Variants in OR1F1 observed in about 807,000 individuals in gnomAD.
The protein encoded by OR1F1 is olfactory receptor 1F1.
For missense variants in OR1F1, 493 were observed against 376.3 expected (o/e 1.31, Z -2.57); for synonymous variants, 184 against 156.7 (o/e 1.17, Z -1.30).
upstream of OR1F1, among the ~76,000 whole-genome samples, chr16:3,200,587 G>A (rs989079310): frequency 6.6e-6 from 1 of 152,222 alleles, no homozygotes; most frequent in African/African-American, 2.4e-5. Context: ...GACAGAGCAA[G>A]ACGTCATCTC....
the OR1F1 span, among the ~76,000 whole-genome samples, chr16:3,191,977 G>T: frequency 3.9e-5 from 6 of 152,160 alleles, no homozygotes; most frequent in East Asian, 5.8e-4. Context: ...AAAGTAAAGG[G>T]CCTGCTGCTG....
the OR1F1 span, among the ~76,000 whole-genome samples, chr16:3,191,015 A>G: frequency 0.28 from 42,429 of 152,074 alleles, 6,169 homozygotes; most frequent in African/African-American, 0.35. Context: ...GAACAGCTAC[A>G]TGCACGTCAC....
the OR1F1 span, among the ~76,000 whole-genome samples, chr16:3,192,917 T>G: frequency 6.6e-6 from 1 of 151,166 alleles, no homozygotes; most frequent in African/African-American, 2.4e-5. Flanking sequence ...CCCGCGGGAT[T>G]AAAAAAAAAG....
the OR1F1 span, chr16:3,191,468 G>T: frequency 6.6e-6 from 1 of 152,206 alleles, no homozygotes; most frequent in South Asian, 2.1e-4. Context: ...ATGCCACCCC[G>T]CCAATTACTA....
downstream of OR1F1, among the ~76,000 whole-genome samples, chr16:3,206,425 T>C (rs763552387): frequency 2.2e-4 from 34 of 152,186 alleles, no homozygotes; most frequent in Non-Finnish European, 3.8e-4. Flanking sequence ...TTGACACCTG[T>C]GATCTCTGTG....
upstream of OR1F1, chr16:3,204,176 C>T: frequency 8.2e-7 from 1 of 1,217,810 alleles, no homozygotes; most frequent in East Asian, 2.5e-5. Context: ...TGTGCCCCAT[C>T]TTAACCAGCA....
Position 3,204,451 on chromosome 16 carries a change from G to A in OR1F1, c.205G>A (p.Val69Met), listed in dbSNP as rs1438445689. ...CTTCTTCCTCAGCAACCTGTCTTTT[G>A]TGGACATCTGCTTCTCCTTCACCAC... The change falls in exon 1 of 1, where the codon GTG becomes ATG. Residue 69 changes from valine to methionine, a missense_variant. Coordinates refer to ENST00000304646, the Ensembl canonical transcript of OR1F1. 2.5e-6 allele frequency: 4 copies of A among 1,613,980 alleles called. No homozygotes were observed. The South Asian group carries it at 3.3e-5, about 13-fold the overall frequency.
At chr16:3,197,247 G>A in the OR1F1 span, among the ~76,000 whole-genome samples, 1 of 149,312 alleles carries the variant, frequency 6.7e-6, no homozygotes, top group African/African-American at 2.5e-5. Flanking sequence ...TGAAACTCTT[G>A]ACCTCAGGTG....
the OR1F1 span, among the ~76,000 whole-genome samples, chr16:3,192,002 A>G: frequency 3.7e-4 from 57 of 152,192 alleles, no homozygotes; most frequent in African/African-American, 1.3e-3. Context: ...TCGTTGGTCT[A>G]GGGGTATGAT....
chr16:3,188,813 G>T, the OR1F1 span, among the ~76,000 whole-genome samples: 1 of 152,364 alleles, frequency 6.6e-6, no homozygotes. Context: ...CCCCGGAACC[G>T]ATGCCCGACG....
rs781224614 is a variant in OR1F1 at position 3,204,407 on chromosome 16, G to T, written c.161G>T (p.Cys54Phe). Reference sequence around the variant, plus strand: ...ATCCTGTCCGTAAGCATAGACTCCTGCCTGCACACCCCCATGTACTTCTTC... The same window carrying T: ...ATCCTGTCCGTAAGCATAGACTCCTTCCTGCACACCCCCATGTACTTCTTC... The change falls in exon 1 of 1, where the codon TGC becomes TTC. Residue 54 changes from cysteine to phenylalanine, a missense_variant. Cys to Phe is a radical substitution (Grantham distance 205, BLOSUM62 -2). Coordinates refer to ENST00000304646, the Ensembl canonical transcript of OR1F1. 3.7e-6 allele frequency: 6 copies of T among 1,613,906 alleles called. No homozygotes were observed. The African/African-American group carries it at 8.0e-5, about 22-fold the overall frequency.
the OR1F1 span, among the ~76,000 whole-genome samples, chr16:3,197,292 T>C: frequency 6.6e-6 from 1 of 152,190 alleles, no homozygotes; most frequent in African/African-American, 2.4e-5. Flanking sequence ...GTGCTGGGAT[T>C]ACAGGTGTGA....
the OR1F1 span, among the ~76,000 whole-genome samples, chr16:3,193,772 A>T: frequency 4.6e-5 from 7 of 152,018 alleles, no homozygotes; most frequent in African/African-American, 1.5e-4. Context: ...TAATTTTAAA[A>T]TTTTTGTAGA....
downstream of OR1F1, chr16:3,205,257 GTTT>G: frequency 1.9e-6 from 2 of 1,064,948 alleles, no homozygotes; most frequent in Non-Finnish European, 2.8e-6. Flanking sequence ...TGCAGTAGTT[GTTT>G]CATTAAATGA....
chr16:3,205,015 G>A, exon 1 of OR1F1: 1 of 1,614,082 alleles, frequency 6.2e-7, no homozygotes, highest in Non-Finnish European at 8.5e-7. Flanking sequence ...CACCATCATT[G>A]CTGTGTATTT....
chr16:3,196,676 C>T, the OR1F1 span, among the ~76,000 whole-genome samples: 1 of 151,520 alleles, frequency 6.6e-6, no homozygotes, highest in African/African-American at 2.4e-5. Context: ...ATGTAAGCCA[C>T]CACGACTGGC....
At chr16:3,204,161 A>G (rs1392074777), upstream of OR1F1, 2 of 978,840 alleles carry the variant, frequency 2.0e-6, no homozygotes, top group African/African-American at 1.6e-5. Flanking sequence ...TTCTACTGCC[A>G]TTCCTGTGCC....
downstream of OR1F1, among the ~76,000 whole-genome samples, chr16:3,205,666 C>A (rs181974345): frequency 2.9e-3 from 435 of 152,196 alleles, no homozygotes; most frequent in African/African-American, 9.9e-3. Flanking sequence ...TAATTTCTTA[C>A]GCCTGTCTTT....
At chr16:3,204,974 C>G (rs572503673) in exon 1 of OR1F1, 2 of 1,614,158 alleles carry the variant, frequency 1.2e-6, no homozygotes, top group Non-Finnish European at 1.7e-6. Context: ...ACCTGTGGTT[C>G]TCACCTGGCT....
Sources: allele counts gnomAD v4.1 joint callset (sites outside exome capture counted in the v4.1 genomes callset), GRCh38; gene constraint gnomAD v4.1.1; transcripts MANE v1.5; gene names NCBI Gene and HGNC (gene_info 2026-07-23, HGNC 2026-07-21).